MAD1L1: variants seen among roughly 807,000 people sequenced by gnomAD.
The protein encoded by MAD1L1 is mitotic spindle assembly checkpoint protein MAD1.
A neutral mutation model predicts 96.9 loss-of-function variants in MAD1L1; 95 were observed. The ratio of observed to expected loss-of-function variants is 0.98; its 90% confidence interval spans 0.83 to 1.16. The LOEUF is 1.16. Among genes scored for constraint, MAD1L1 ranks in the 50% most tolerant of loss-of-function variants. MAD1L1 has a pLI of 0.00. For missense variants in MAD1L1, 1,007 were observed against 954.4 expected, an observed-to-expected ratio of 1.06 and a Z score of -0.73; for synonymous variants, 473 against 396.6, an observed-to-expected ratio of 1.19 and a Z score of -2.29.
intron 16 of MAD1L1, among the ~76,000 whole-genome samples, chr7:1,939,660 T>TA (rs551886152): frequency 1.4e-4 from 21 of 152,258 alleles, no homozygotes; most frequent in Middle Eastern, 6.9e-3. Context: ...CACTCTCCTA[T>TA]CTCCCAGAGG....
intron 10 of MAD1L1, among the ~76,000 whole-genome samples, chr7:2,195,021 G>A (rs1562359637): frequency 6.6e-6 from 1 of 151,858 alleles, no homozygotes; most frequent in Non-Finnish European, 1.5e-5. Context: ...CTGGGAGGCT[G>A]AGGTTGCAGC....
At chr7:2,042,959 G>A (rs1208872026) in intron 12 of MAD1L1, among the ~76,000 whole-genome samples, 1 of 152,128 alleles carries the variant, frequency 6.6e-6, no homozygotes, top group Non-Finnish European at 1.5e-5. Context: ...AGAGGACGCT[G>A]CCACAGGCCG....
In MAD1L1 at chr7:2,048,119, T is replaced by C. The variant is rs1306013840; in HGVS notation, c.1218+21075A>G. Among the ~76,000 whole-genome samples the C allele has an allele frequency of 2.0e-5, 3 of 152,332 alleles. No homozygotes were observed. In the South Asian group the frequency reaches 6.2e-4, roughly 32 times the overall value. Reference sequence around the variant, plus strand: ...TGCAGCACAGACACGCACACAGTAATGCTCATGTGTGCATGCATGCACACT... The same window carrying C: ...TGCAGCACAGACACGCACACAGTAACGCTCATGTGTGCATGCATGCACACT... On this transcript the variant is annotated intron_variant, in intron 12 of 18. Transcript: ENST00000265854.
In MAD1L1 at chr7:2,230,002, C is replaced by G; in HGVS notation, c.132G>C (p.Gln44His). The stretch of plus-strand genomic sequence containing the variant: ...CACTCACCTGCATGCTCTGCTGGTA[C>G]TGCATCTGCAGAGAACCTGGGGCCG... ...STSAPGSLQMQYQQSMQLEER... is the reference protein window; with the variant it reads ...STSAPGSLQMHYQQSMQLEER... Residue 44 changes from glutamine to histidine, a missense_variant, in exon 3 of 19, where the codon CAG (glutamine) becomes CAC (histidine). By Grantham distance (24) the Gln-to-His change is conservative (BLOSUM62 0). Transcript: ENST00000265854. 6.2e-7 allele frequency: 1 copy of G among 1,613,116 alleles called. No homozygotes were observed. Among genetic ancestry groups the G allele is most frequent in the Non-Finnish European group, 8.5e-7 (1 of 1,180,008 alleles).
intron 16 of MAD1L1, among the ~76,000 whole-genome samples, chr7:1,938,741 C>CGT (rs1778748865): frequency 4.4e-5 from 4 of 90,140 alleles, no homozygotes; most frequent in South Asian, 9.9e-4. Flanking sequence ...GCCAGAGGCG[C>CGT]GCACGCACAC....
intron 12 of MAD1L1, among the ~76,000 whole-genome samples, chr7:2,060,497 GA>G (rs1784610984): frequency 6.8e-6 from 1 of 147,668 alleles, no homozygotes. Flanking sequence ...AGATAATGCC[GA>G]GACCGAGATA....
At chr7:1,878,386 G>A (rs1365085366) in intron 18 of MAD1L1, among the ~76,000 whole-genome samples, 1 of 151,958 alleles carries the variant, frequency 6.6e-6, no homozygotes, top group Non-Finnish European at 1.5e-5. Context: ...GATGAATATT[G>A]CACAAGATCA....
At chr7:2,081,196 C>T (rs1447770924) in intron 11 of MAD1L1, among the ~76,000 whole-genome samples, 1 of 116,454 alleles carries the variant, frequency 8.6e-6, no homozygotes, top group Non-Finnish European at 1.8e-5. Flanking sequence ...CAAGCTGGGC[C>T]GGGGTGGGGA....
At chr7:1,847,278 G>A (rs777877195) in intron 18 of MAD1L1, 6 of 470,910 alleles carry the variant, frequency 1.3e-5, no homozygotes, top group Admixed American at 2.3e-5. Context: ...GGACACAACC[G>A]AACGTGCCAG....
chr7:2,002,051 C>A lies in MAD1L1; in HGVS notation c.1416+14G>T, dbSNP rs767442121. 1.2e-6 allele frequency: 2 copies of A among 1,613,014 alleles called. No individual in the cohort carries two copies. The highest frequency in any genetic ancestry group is 8.5e-7 in the Non-Finnish European group (1 of 1,179,944). ...AGGTGCCCTGAATCCCAGCCACTCC[C>A]GCGTCTGACTCACCATGTCTGCTCT... On this transcript the variant is annotated intron_variant, in intron 14 of 18. Coordinates refer to ENST00000265854, the MANE Select transcript of MAD1L1 (RefSeq NM_001013836.2).
At chr7:2,060,258 C>T (rs1269737826) in intron 12 of MAD1L1, among the ~76,000 whole-genome samples, 3 of 143,650 alleles carry the variant, frequency 2.1e-5, no homozygotes, top group Admixed American at 1.4e-4. Context: ...TACGCCGATG[C>T]CGAGATACGC....
At chr7:2,037,886 A>G (rs919127123) in intron 12 of MAD1L1, among the ~76,000 whole-genome samples, 10 of 152,206 alleles carry the variant, frequency 6.6e-5, no homozygotes, top group African/African-American at 2.4e-4. Context: ...GAAGAGTCGC[A>G]TGTCTCTCCT....
At chr7:1,949,147 G>C (rs1226644330) in intron 16 of MAD1L1, among the ~76,000 whole-genome samples, 1 of 151,626 alleles carries the variant, frequency 6.6e-6, no homozygotes, top group Non-Finnish European at 1.5e-5. Context: ...CCCGGGGCAC[G>C]GCCCCTAGAG....
rs114688518 is a variant in MAD1L1, at chr7:1,818,272, G to A, written c.1999-2044C>T. On this transcript the variant is annotated intron_variant, in intron 18 of 18. Transcript: ENST00000265854. Reference sequence around the variant, plus strand: ...GGCTGGCAACCTGGCTGGGCCTGACGCACTGTGGTGCAGACTCTGGCCAGG... The same window carrying A: ...GGCTGGCAACCTGGCTGGGCCTGACACACTGTGGTGCAGACTCTGGCCAGG... Among the ~76,000 whole-genome samples the A allele has an allele frequency of 5.9e-3, 903 of 152,214 alleles. 10 individuals are homozygous for A. Among genetic ancestry groups the A allele is most frequent in the African/African-American group, 0.021 (855 of 41,564 alleles).
In MAD1L1 at chr7:1,944,431, C is replaced by G. The variant is rs13225225; in HGVS notation, c.1597-7534G>C. On this transcript the variant is annotated intron_variant, in intron 16 of 18. Coordinates refer to ENST00000265854, the MANE Select transcript of MAD1L1 (RefSeq NM_001013836.2). The stretch of plus-strand genomic sequence containing the variant: ...GTGGGGAGTGAGAAACAGCAGGAAG[C>G]GTGGATGCAGCTGCCAGAGCCTGCG... Among the ~76,000 whole-genome samples, 50 of 151,918 alleles carry G rather than the reference C, an allele frequency of 3.3e-4. 1 individual carries two copies. Among genetic ancestry groups the G allele is most frequent in the Non-Finnish European group, 5.6e-4 (38 of 67,960 alleles).
chr7:2,115,503 A>G (rs1787633686), intron 11 of MAD1L1, among the ~76,000 whole-genome samples: 1 of 147,032 alleles, frequency 6.8e-6, no homozygotes, highest in Non-Finnish European at 1.5e-5. Flanking sequence ...CCGGGGTCAG[A>G]GGAGGCGCTG....
chr7:1,822,074 T>G (rs1452761003), intron 18 of MAD1L1, among the ~76,000 whole-genome samples: 1 of 152,128 alleles, frequency 6.6e-6, no homozygotes, highest in Non-Finnish European at 1.5e-5. Flanking sequence ...TGGAAAATCC[T>G]GAGCAATCTG....
At position 2,031,964 on chromosome 7, in the gene MAD1L1, C is replaced by G. The variant is rs1264516463; in HGVS notation, c.1219-17322G>C. Among the ~76,000 whole-genome samples, 3 of 152,342 alleles carry G rather than the reference C, an allele frequency of 2.0e-5. No homozygotes were observed. In the South Asian group the frequency reaches 6.2e-4, roughly 32 times the overall value. ...GCCTCCAGCGTTCCTATCAGCAAAA[C>G]AGGGAATTAGATGGACTTGGTCTTC... On this transcript the variant is annotated intron_variant, in intron 12 of 18. Coordinates refer to ENST00000265854, the MANE Select transcript of MAD1L1 (RefSeq NM_001013836.2).
intron 11 of MAD1L1, among the ~76,000 whole-genome samples, chr7:2,110,895 G>A (rs1787343932): frequency 6.6e-6 from 1 of 152,120 alleles, no homozygotes; most frequent in Non-Finnish European, 1.5e-5. Context: ...TTTCCCAGCA[G>A]AGCCGAGGAG....
Sources: gnomAD v4.1 joint callset for allele counts (sites outside exome capture counted in the v4.1 genomes callset) on GRCh38, gnomAD v4.1.1 for gene constraint, MANE v1.5 for transcripts, NCBI Gene and HGNC (gene_info 2026-07-23, HGNC 2026-07-21) for gene names.